PCCB: variants seen among roughly 807,000 people sequenced by gnomAD.
PCCB encodes propionyl-CoA carboxylase subunit beta.
PCCB carries 43 observed loss-of-function variants against 60.7 expected under a neutral mutation model. The ratio of observed to expected loss-of-function variants is 0.71; its 90% confidence interval spans 0.55 to 0.91. The LOEUF is 0.91. Ranked by LOEUF, PCCB falls within the 40% of genes least tolerant of loss-of-function variation. The pLI, the probability that PCCB is intolerant of heterozygous loss-of-function variation, is 0.00. For missense variants in PCCB, 766 were observed against 702.8 expected, an observed-to-expected ratio of 1.09 and a Z score of -1.02; for synonymous variants, 276 against 255.9, an observed-to-expected ratio of 1.08 and a Z score of -0.75.
chr3:136,324,598 T>G (rs560503564), intron 10 of PCCB, among the ~76,000 whole-genome samples: 9 of 149,926 alleles, frequency 6.0e-5, no homozygotes, highest in African/African-American at 1.2e-4. Flanking sequence ...ACACTCTCTG[T>G]TTTTTTTTTC....
intron 9 of PCCB, among the ~76,000 whole-genome samples, chr3:136,304,903 G>A (rs1934407653): frequency 8.3e-6 from 1 of 119,944 alleles, no homozygotes; most frequent in Non-Finnish European, 1.8e-5. Context: ...TGTTTGCCAG[G>A]ATGGTCTTGA....
chr3:136,253,013 AG>A (rs962677506), intron 1 of PCCB, among the ~76,000 whole-genome samples: 71 of 118,102 alleles, frequency 6.0e-4, no homozygotes, highest in African/African-American at 2.2e-3. Flanking sequence ...TTTTTCGGGG[AG>A]GGGGGGATAG....
chr3:136,272,353 T>C (rs995132969), intron 5 of PCCB, among the ~76,000 whole-genome samples: 1 of 152,086 alleles, frequency 6.6e-6, no homozygotes, highest in African/African-American at 2.4e-5. Context: ...GCTTTGGTAT[T>C]AGGGTGATAC....
chr3:136,320,355 T>C (rs529323009), intron 10 of PCCB, among the ~76,000 whole-genome samples: 4 of 152,346 alleles, frequency 2.6e-5, no homozygotes, highest in African/African-American at 4.8e-5. Context: ...TTTTCTTCTT[T>C]TTTTATTTCT....
intron 5 of PCCB, among the ~76,000 whole-genome samples, chr3:136,274,433 A>G (rs1243900299): frequency 2.0e-5 from 3 of 152,160 alleles, no homozygotes; most frequent in Admixed American, 2.0e-4. Flanking sequence ...CTGTTTAAGG[A>G]GGCTAAAGAT....
intron 10 of PCCB, among the ~76,000 whole-genome samples, chr3:136,318,672 C>G (rs1935002901): frequency 6.6e-6 from 1 of 152,166 alleles, no homozygotes; most frequent in Non-Finnish European, 1.5e-5. Flanking sequence ...TTATATCAAT[C>G]TTATTTCACT....
rs1348366864 is a variant in PCCB at position 136,255,956 on chromosome 3, T to C, written c.284T>C (p.Met95Thr). ...GAACACAGATGTGCAGATTTTGGAA[T>C]GGCTGCTGATAAGAATAAGGTATTT... ...FVEHRCADFG[M>T]AADKNKFPGD... The change falls in exon 2 of 15, where the codon ATG becomes ACG. Residue 95 changes from methionine (M) to threonine (T), a missense_variant. Physicochemically the swap from Met to Thr is moderately conservative, Grantham distance 81. Transcript: ENST00000251654. 1 of 1,614,196 alleles carries C rather than the reference T, an allele frequency of 6.2e-7. No individual in the cohort carries two copies. The highest frequency in any genetic ancestry group is 1.7e-5 in the Admixed American group (1 of 60,028).
chr3:136,251,434 C>T (rs1021273799), intron 1 of PCCB: 3 of 415,476 alleles, frequency 7.2e-6, no homozygotes, highest in South Asian at 5.1e-5. Flanking sequence ...GCACAACTCA[C>T]AACCATGAGG....
chr3:136,327,203 T>C lies in PCCB; in HGVS notation c.1247T>C (p.Leu416Pro). ...ATCATCCGGCATGGTGCCAAGCTTCTCTACGCATTTGCTGAGGCAACTGTA... is the reference window on the plus strand; with the variant it reads ...ATCATCCGGCATGGTGCCAAGCTTCCCTACGCATTTGCTGAGGCAACTGTA... ...GGIIRHGAKL[L>P]YAFAEATVPK... is the part of the protein sequence containing the mutation. The change falls in exon 12 of 15, where the codon CTC becomes CCC. Residue 416 changes from leucine (L) to proline (P), a missense_variant. Leu to Pro is a moderately conservative substitution (Grantham distance 98). Transcript: ENST00000251654. The C allele has an allele frequency of 6.2e-7, 1 of 1,614,172 alleles. No homozygotes were observed.
intron 1 of PCCB, among the ~76,000 whole-genome samples, chr3:136,253,671 T>TC (rs1049565741): frequency 2.0e-5 from 3 of 150,392 alleles, no homozygotes; most frequent in African/African-American, 7.3e-5. Context: ...AGAATTTTTT[T>TC]TTTTTTTTTT....
At chr3:136,293,651 A>G (rs1327690683) in intron 6 of PCCB, 105 bp from the exon 7 acceptor site, 20 of 800,064 alleles carry the variant, frequency 2.5e-5, no homozygotes, top group Non-Finnish European at 4.2e-5. Flanking sequence ...TCATTCAGCC[A>G]CGTCACTATC....
intron 1 of PCCB, among the ~76,000 whole-genome samples, chr3:136,252,032 C>T (rs1180142188): frequency 1.3e-5 from 2 of 151,990 alleles, no homozygotes; most frequent in Non-Finnish European, 2.9e-5. Flanking sequence ...TGCCCACGAC[C>T]ATGCCTGGCA....
chr3:136,250,770 C>T (rs369869757), intron 1 of PCCB, among the ~76,000 whole-genome samples: 1 of 152,222 alleles, frequency 6.6e-6, no homozygotes, highest in South Asian at 2.1e-4. Flanking sequence ...ACTGTTTAAC[C>T]CTTGGGATTT....
intron 10 of PCCB, among the ~76,000 whole-genome samples, chr3:136,325,900 G>A (rs1300279792): frequency 2.0e-5 from 3 of 152,044 alleles, no homozygotes; most frequent in Admixed American, 6.6e-5. Flanking sequence ...TGCAAGCTCC[G>A]CCTCCCGGGT....
intron 1 of PCCB, chr3:136,255,301 C>CG: frequency 2.3e-5 from 4 of 171,468 alleles, no homozygotes; most frequent in Admixed American, 5.6e-5. Context: ...GGTGTGGGGT[C>CG]CCTAAACAGG....
intron 1 of PCCB, chr3:136,251,409 A>G (rs534313139): frequency 2.0e-4 from 89 of 439,926 alleles, no homozygotes; most frequent in Admixed American, 1.5e-3. Context: ...ACTCTTACAG[A>G]TGAAGAGTAT....
At chr3:136,315,019 A>C (rs952819101) in intron 9 of PCCB, among the ~76,000 whole-genome samples, 1 of 152,332 alleles carries the variant, frequency 6.6e-6, no homozygotes, top group Non-Finnish European at 1.5e-5. Flanking sequence ...TACCAAAGGA[A>C]CCCAAATAGA....
At position 136,256,683 on chromosome 3, in the gene PCCB, T is replaced by G. The variant is rs1187916620; in HGVS notation, c.372+60T>G. 1.7e-5 allele frequency: 20 copies of G among 1,183,564 alleles called. No homozygotes were observed. In the East Asian group the frequency reaches 3.0e-4, roughly 18 times the overall value. The allele number at this position is 1,183,564 out of a possible 1,614,324, so 73.3% of individuals were successfully genotyped here. On this transcript the variant is annotated intron_variant, in intron 3 of 14. Transcript: ENST00000251654. ...GGAGGGCAGAGCCAAGAGGAAAATA[T>G]GTGAAAGAAGCCAATCTTGGGGAAT...
At chr3:136,315,197 T>C (rs374578703) in intron 9 of PCCB, among the ~76,000 whole-genome samples, 1 of 152,322 alleles carries the variant, frequency 6.6e-6, no homozygotes, top group African/African-American at 2.4e-5. Flanking sequence ...TGTGCTGCTA[T>C]AAAGGATACT....
Sources: allele counts gnomAD v4.1 joint callset (sites outside exome capture counted in the v4.1 genomes callset), GRCh38; gene constraint gnomAD v4.1.1; transcripts MANE v1.5; gene names NCBI Gene and HGNC (gene_info 2026-07-23, HGNC 2026-07-21).